Variants in CSMD3 observed in about 807,000 individuals in gnomAD.
CSMD3 encodes the protein CUB and Sushi multiple domains 3.
Under a neutral mutation model 435.2 loss-of-function variants are expected in CSMD3, and 177 were observed. The ratio of observed to expected loss-of-function variants is 0.41; its 90% CI spans 0.36 to 0.46. CSMD3 has a LOEUF of 0.46. Among genes scored for constraint, CSMD3 ranks in the 20% least tolerant of loss-of-function variants. The probability of loss-of-function intolerance (pLI) is 0.34; values close to 1 mark genes in which losing one functional copy is unlikely to be tolerated. For synonymous variants in CSMD3, 1,656 were observed against 1,520.5 expected (o/e 1.09, Z -2.07); for missense variants, 4,265 against 4,504.6 (o/e 0.95, Z 1.52).
At chr8:112,702,003 C>A (rs2076399077) in intron 13 of CSMD3, among the ~76,000 whole-genome samples, 1 of 152,112 alleles carries the variant, frequency 6.6e-6, no homozygotes, top group Non-Finnish European at 1.5e-5. Context: ...CTTGGACATA[C>A]CTATATTGGT....
chr8:112,265,052 T>C (rs1816805018), intron 60 of CSMD3, among the ~76,000 whole-genome samples: 1 of 152,062 alleles, frequency 6.6e-6, no homozygotes, highest in South Asian at 2.1e-4. Flanking sequence ...CTTGAATTAC[T>C]TGACCCAAGT....
intron 11 of CSMD3, among the ~76,000 whole-genome samples, chr8:112,850,114 G>A (rs2080442696): frequency 6.6e-6 from 1 of 152,076 alleles, no homozygotes; most frequent in South Asian, 2.1e-4. Context: ...AACATCCAGT[G>A]AACGTTAACT....
chr8:112,570,123 C>T (rs183621477), intron 24 of CSMD3, among the ~76,000 whole-genome samples: 20 of 152,204 alleles, frequency 1.3e-4, no homozygotes, highest in Admixed American at 6.6e-5. Context: ...CATTCTATCA[C>T]GTTCAGGAAT....
chr8:112,900,517 G>A (rs977807741), intron 10 of CSMD3, among the ~76,000 whole-genome samples: 1 of 151,292 alleles, frequency 6.6e-6, no homozygotes, highest in East Asian at 2.0e-4. Context: ...TGGAAGTTGG[G>A]GGTCAAGGAA....
chr8:112,648,250 A>G (rs2075035057), intron 19 of CSMD3, among the ~76,000 whole-genome samples: 1 of 152,210 alleles, frequency 6.6e-6, no homozygotes, highest in Non-Finnish European at 1.5e-5. Context: ...AGGTGATACA[A>G]TAGTTGAGTT....
intron 41 of CSMD3, among the ~76,000 whole-genome samples, chr8:112,344,690 A>C (rs1825496246): frequency 6.6e-6 from 1 of 152,072 alleles, no homozygotes; most frequent in Admixed American, 6.6e-5. Context: ...GCATTTATAA[A>C]CTCATAGGAT....
At chr8:112,729,627 C>G (rs1411879491) in intron 13 of CSMD3, among the ~76,000 whole-genome samples, 1 of 151,958 alleles carries the variant, frequency 6.6e-6, no homozygotes, top group Non-Finnish European at 1.5e-5. Context: ...TGTGTGAGCC[C>G]TAAATGACAT....
At chr8:112,688,180 T>C (rs1480833612) in intron 14 of CSMD3, among the ~76,000 whole-genome samples, 1 of 152,174 alleles carries the variant, frequency 6.6e-6, no homozygotes, top group Non-Finnish European at 1.5e-5. Flanking sequence ...TGGCCCACAA[T>C]CTGTTTGCCA....
intron 3 of CSMD3, among the ~76,000 whole-genome samples, chr8:113,214,808 A>G (rs1224724704): frequency 6.6e-6 from 1 of 151,838 alleles, no homozygotes; most frequent in Non-Finnish European, 1.5e-5. Context: ...ATGTTATTCA[A>G]CCAAAATTAT....
chr8:112,349,871 T>C (rs193302173), intron 40 of CSMD3, among the ~76,000 whole-genome samples: 74 of 152,292 alleles, frequency 4.9e-4, no homozygotes, highest in African/African-American at 1.7e-3. Flanking sequence ...GTGGACTTAA[T>C]TATGTCCCCC....
At chr8:113,423,390 C>T (rs772417519) in intron 1 of CSMD3, among the ~76,000 whole-genome samples, 4 of 152,022 alleles carry the variant, frequency 2.6e-5, no homozygotes, top group Non-Finnish European at 4.4e-5. Flanking sequence ...AGTAAACAAG[C>T]TGACTTGACA....
intron 5 of CSMD3, among the ~76,000 whole-genome samples, chr8:113,024,767 T>C (rs2086810317): frequency 6.6e-6 from 1 of 152,166 alleles, no homozygotes; most frequent in Admixed American, 6.5e-5. Flanking sequence ...TTATCTGTTC[T>C]GGTCCATTGC....
At chr8:112,824,310 T>A (rs231294) in intron 12 of CSMD3, among the ~76,000 whole-genome samples, 31,606 of 152,088 alleles carry the variant, frequency 0.21, 4,062 homozygotes, top group Non-Finnish European at 0.3. Flanking sequence ...ACATTTAAGG[T>A]TAGTATTGTT....
At chr8:112,286,883 A>C (rs1819260139) in intron 58 of CSMD3, among the ~76,000 whole-genome samples, 181 bp downstream of exon 58, 1 of 152,154 alleles carries the variant, frequency 6.6e-6, no homozygotes, top group South Asian at 2.1e-4. Flanking sequence ...TTTTTTAAAA[A>C]AATTATCGGT....
At chr8:112,984,532 A>C (rs1199126010) in intron 6 of CSMD3, among the ~76,000 whole-genome samples, 1 of 152,136 alleles carries the variant, frequency 6.6e-6, no homozygotes, top group Non-Finnish European at 1.5e-5. Flanking sequence ...CTAGAAGTAG[A>C]AAGTTGGATC....
chr8:113,113,502 A>T (rs574959275), intron 4 of CSMD3, among the ~76,000 whole-genome samples: 1 of 152,320 alleles, frequency 6.6e-6, no homozygotes, highest in African/African-American at 2.4e-5. Flanking sequence ...TAATGTTTTT[A>T]AAGGCTAGGT....
At chr8:113,257,261 A>G (rs1004572283) in intron 3 of CSMD3, among the ~76,000 whole-genome samples, 2 of 152,144 alleles carry the variant, frequency 1.3e-5, no homozygotes, top group Non-Finnish European at 2.9e-5. Context: ...ATTCAAAAAA[A>G]TTAGCCAGGC....
At chr8:112,874,833 C>T (rs2130099833) in intron 10 of CSMD3, among the ~76,000 whole-genome samples, 1 of 152,136 alleles carries the variant, frequency 6.6e-6, no homozygotes, top group East Asian at 1.9e-4. Context: ...GATGAGTCTC[C>T]TGAATACAGC....
At chr8:113,037,873 G>T (rs1047639348) in intron 5 of CSMD3, among the ~76,000 whole-genome samples, 4 of 152,104 alleles carry the variant, frequency 2.6e-5, no homozygotes, top group Admixed American at 6.6e-5. Context: ...GAATAATTTT[G>T]AAGATAATAT....
Sources: gnomAD v4.1 joint callset for allele counts (sites outside exome capture counted in the v4.1 genomes callset) on GRCh38, gnomAD v4.1.1 for gene constraint, MANE v1.5 for transcripts, NCBI Gene and HGNC (gene_info 2026-07-23, HGNC 2026-07-21) for gene names.